The following CCDC148 variants were observed in gnomAD, a reference collection of about 807,000 sequenced individuals.
The protein encoded by CCDC148 is coiled-coil domain containing 148, also known as coiled-coil domain-containing protein 148.
CCDC148 carries 89 observed loss-of-function variants against 85.7 expected under a neutral mutation model. The observed-to-expected ratio is 1.04, with a 90% CI of 0.87 to 1.24. CCDC148 has a LOEUF of 1.24. CCDC148 is among the 50% of genes most tolerant of loss of function. The probability of loss-of-function intolerance (pLI) is 0.00; values close to 1 mark genes in which losing one functional copy is unlikely to be tolerated. For synonymous variants in CCDC148, 230 were observed against 213.9 expected (o/e 1.08, Z -0.66); for missense variants, 692 against 671.7 (o/e 1.03, Z -0.33).
intron 8 of CCDC148, among the ~76,000 whole-genome samples, chr2:158,310,137 C>T (rs1015365353): frequency 4.6e-5 from 7 of 152,226 alleles, no homozygotes; most frequent in Middle Eastern, 3.4e-3. Context: ...TTAAGGAGCA[C>T]GCTGCCTTCA....
chr2:158,275,500 T>C (rs1689892637), intron 9 of CCDC148, among the ~76,000 whole-genome samples: 1 of 152,226 alleles, frequency 6.6e-6, no homozygotes, highest in Non-Finnish European at 1.5e-5. Context: ...AATAAAGAAC[T>C]TTTTGATATT....
chr2:158,257,014 C>T (rs1689040594), intron 9 of CCDC148, among the ~76,000 whole-genome samples: 1 of 151,710 alleles, frequency 6.6e-6, no homozygotes, highest in South Asian at 2.1e-4. Context: ...TCTTGGGTGA[C>T]TGCATGGATA....
intron 10 of CCDC148, among the ~76,000 whole-genome samples, chr2:158,223,216 A>C (rs139753096): frequency 0.016 from 2,406 of 152,236 alleles, 68 homozygotes; most frequent in African/African-American, 0.05. Flanking sequence ...ATCCTCACTC[A>C]CTGCTAGCAC....
intron 2 of CCDC148, among the ~76,000 whole-genome samples, chr2:158,356,432 A>T (rs1424902323): frequency 6.7e-6 from 1 of 148,348 alleles, no homozygotes; most frequent in Non-Finnish European, 1.5e-5. Flanking sequence ...ACATGAACAG[A>T]CACTTCTCAA....
At chr2:158,453,237 T>C (rs563706123) in intron 1 of CCDC148, among the ~76,000 whole-genome samples, 1 of 152,306 alleles carries the variant, frequency 6.6e-6, no homozygotes, top group South Asian at 2.1e-4. Context: ...CACCATTTGA[T>C]ATAGAGTGTC....
intron 11 of CCDC148, among the ~76,000 whole-genome samples, chr2:158,200,738 G>T (rs1205117290): frequency 6.6e-6 from 1 of 152,132 alleles, no homozygotes; most frequent in Non-Finnish European, 1.5e-5. Context: ...GCGATAGTCA[G>T]CTCTCTCCAT....
chr2:158,227,356 A>G (rs1687600358), intron 10 of CCDC148, among the ~76,000 whole-genome samples: 1 of 151,762 alleles, frequency 6.6e-6, no homozygotes. Context: ...AGGAAGAATC[A>G]ATATTGTGAA....
At chr2:158,415,345 G>A (rs570345052) in intron 1 of CCDC148, among the ~76,000 whole-genome samples, 1 of 152,146 alleles carries the variant, frequency 6.6e-6, no homozygotes, top group Admixed American at 6.5e-5. Flanking sequence ...CATGAGAACA[G>A]CAAGGGGGAA....
chr2:158,422,817 C>T (rs13393504), intron 1 of CCDC148, among the ~76,000 whole-genome samples: 3,979 of 145,040 alleles, frequency 0.027, 146 homozygotes, highest in African/African-American at 0.07. Flanking sequence ...GATGACATGC[C>T]TGTATATTTA....
intron 7 of CCDC148, among the ~76,000 whole-genome samples, chr2:158,315,433 T>A (rs985909811): frequency 1.7e-4 from 26 of 152,278 alleles, no homozygotes; most frequent in African/African-American, 6.3e-4. Context: ...AAAATAGAAC[T>A]AAAGTACATG....
chr2:158,293,020 G>A (rs1364378193), intron 9 of CCDC148, among the ~76,000 whole-genome samples: 12 of 152,126 alleles, frequency 7.9e-5, no homozygotes, highest in African/African-American at 2.9e-4. Flanking sequence ...AGGCATTAGT[G>A]ATACAAAGCT....
At chr2:158,306,739 A>C (rs1691707121) in intron 9 of CCDC148, among the ~76,000 whole-genome samples, 1 of 152,008 alleles carries the variant, frequency 6.6e-6, no homozygotes, top group Non-Finnish European at 1.5e-5. Context: ...ATGATGAGTT[A>C]ATGGGTGCAG....
At chr2:158,175,721 T>A (rs1485110328) in intron 13 of CCDC148, among the ~76,000 whole-genome samples, 4 of 152,116 alleles carry the variant, frequency 2.6e-5, no homozygotes, top group Non-Finnish European at 5.9e-5. Flanking sequence ...TAGCAAAGTA[T>A]GCCGCACAAA....
At chr2:158,357,333 T>C (rs1280908939) in intron 2 of CCDC148, among the ~76,000 whole-genome samples, 1 of 152,088 alleles carries the variant, frequency 6.6e-6, no homozygotes, top group Non-Finnish European at 1.5e-5. Context: ...TATTGTATCT[T>C]CAAGGCAAAT....
At chr2:158,291,458 G>A (rs902266697) in intron 9 of CCDC148, among the ~76,000 whole-genome samples, 2 of 152,116 alleles carry the variant, frequency 1.3e-5, no homozygotes, top group Admixed American at 6.5e-5. Context: ...TTGCATCCTG[G>A]AACATTGTTT....
intron 9 of CCDC148, among the ~76,000 whole-genome samples, chr2:158,300,379 T>C (rs1364040065): frequency 6.6e-6 from 1 of 152,176 alleles, no homozygotes; most frequent in African/African-American, 2.4e-5. Context: ...ATGGTGTTCC[T>C]GTTTGCACTT....
chr2:158,192,931 TAG>T (rs1685491910), intron 11 of CCDC148, among the ~76,000 whole-genome samples: 1 of 152,074 alleles, frequency 6.6e-6, no homozygotes, highest in Non-Finnish European at 1.5e-5. Flanking sequence ...TATAATTTCT[TAG>T]AGATATTGTC....
chr2:158,326,677 C>T (rs922112437), intron 7 of CCDC148, among the ~76,000 whole-genome samples: 3 of 151,990 alleles, frequency 2.0e-5, no homozygotes, highest in Admixed American at 1.3e-4. Flanking sequence ...CATTTTTACC[C>T]TTGTCAATTT....
intron 2 of CCDC148, among the ~76,000 whole-genome samples, chr2:158,347,922 C>G (rs1418607499): frequency 6.6e-6 from 1 of 152,024 alleles, no homozygotes; most frequent in Admixed American, 6.5e-5. Flanking sequence ...AAAACAACTA[C>G]AGTAAGATGC....
Sources: gnomAD v4.1 joint callset for allele counts (sites outside exome capture counted in the v4.1 genomes callset) on GRCh38, gnomAD v4.1.1 for gene constraint, MANE v1.5 for transcripts, NCBI Gene and HGNC (gene_info 2026-07-23, HGNC 2026-07-21) for gene names.